DIP2C: variants seen among roughly 807,000 people sequenced by gnomAD.
The protein encoded by DIP2C is disco-interacting protein 2 homolog C.
A neutral mutation model predicts 192.4 loss-of-function variants in DIP2C; 33 were observed. The ratio of observed to expected loss-of-function variants is 0.17; its 90% CI spans 0.13 to 0.23. The LOEUF (loss-of-function observed/expected upper bound fraction) is 0.23. Ranked by LOEUF, DIP2C falls within the 10% of genes least tolerant of loss-of-function variation. The pLI, the probability that DIP2C is intolerant of heterozygous loss-of-function variation, is 1.00. For missense variants in DIP2C, 1,537 were observed against 2,110.1 expected, an observed-to-expected ratio of 0.73 and a Z score of 5.32; for synonymous variants, 979 against 864.1, an observed-to-expected ratio of 1.13 and a Z score of -2.33.
At position 409,036 on chromosome 10, in the gene DIP2C, G is replaced by T; in HGVS notation, c.1058-19C>A. 6.2e-7 allele frequency: 1 copy of T among 1,612,680 alleles called. No homozygotes were observed. The highest frequency in any genetic ancestry group is 8.5e-7 in the Non-Finnish European group (1 of 1,178,784). On this transcript the variant is annotated intron_variant, in intron 8 of 36. Coordinates refer to ENST00000280886, the MANE Select transcript of DIP2C (RefSeq NM_014974.3). ...AGCTTGCCTATGAATACAAATCACA[G>T]ACAAATGTGCGTATTAAACCATACG...
chr10:288,185 A>G (rs1409850926), intron 33 of DIP2C, among the ~76,000 whole-genome samples, 179 bp downstream of exon 33: 1 of 152,172 alleles, frequency 6.6e-6, no homozygotes, highest in Non-Finnish European at 1.5e-5. Flanking sequence ...TTACCTGAGG[A>G]AAAAAGTCTA....
intron 3 of DIP2C, among the ~76,000 whole-genome samples, chr10:454,122 G>A (rs1969084537): frequency 6.6e-6 from 1 of 152,214 alleles, no homozygotes; most frequent in African/African-American, 2.4e-5. Context: ...AAAAGAGGCA[G>A]ATCTTTCTCG....
At chr10:579,369 A>G (rs1432335917) in intron 1 of DIP2C, among the ~76,000 whole-genome samples, 3 of 151,970 alleles carry the variant, frequency 2.0e-5, no homozygotes, top group African/African-American at 4.8e-5. Context: ...GTGTACAAAC[A>G]AGTTCACTAT....
chr10:675,713 G>A (rs772337136), intron 1 of DIP2C, among the ~76,000 whole-genome samples: 8 of 152,044 alleles, frequency 5.3e-5, no homozygotes, highest in South Asian at 2.1e-4. Flanking sequence ...CTACCAAGAC[G>A]GAACCAAGAA....
rs112317025 is a variant in DIP2C, at chr10:399,087, G to A, written c.1260+22C>T. ...AAGCCATCTCACTCAGCGAGAAACC[G>A]AGCAAAGGGCGCATTCCTTACCTTC... On this transcript the variant is annotated intron_variant, in intron 10 of 36. Transcript: ENST00000280886. The A allele has an allele frequency of 1.9e-3, 2,952 of 1,594,002 alleles. 38 individuals carry two copies. The African/African-American group carries it at 0.029, about 16-fold the overall frequency.
intron 29 of DIP2C, chr10:340,678 T>A: frequency 2.3e-6 from 1 of 437,334 alleles, no homozygotes; most frequent in East Asian, 7.2e-5. Context: ...CATTCATTCA[T>A]CCCATAAATA....
rs777137596 is a variant in DIP2C, at chr10:369,731, GGGCACAGTGCTGGCACCCCA to G, written c.1992-118_1992-99del. Reference sequence around the variant, plus strand: ...CACATGCGGCAGGCTGGGCACCTCTGGGCACAGTGCTGGCACCCCAGGCACAGTGCTGGCTGCCCATGTGG... The same window carrying G: ...CACATGCGGCAGGCTGGGCACCTCTGGGCACAGTGCTGGCTGCCCATGTGG... On this transcript the variant is annotated intron_variant, in intron 17 of 36. Coordinates refer to ENST00000280886, the MANE Select transcript of DIP2C (RefSeq NM_014974.3). 131 of 1,592,374 alleles carry G rather than the reference GGGCACAGTGCTGGCACCCCA, an allele frequency of 8.2e-5. 1 individual carries two copies. The highest frequency in any genetic ancestry group is 1.7e-4 in the South Asian group (15 of 90,000).
At chr10:431,507 G>A (rs146726878) in intron 4 of DIP2C, among the ~76,000 whole-genome samples, 32 of 152,152 alleles carry the variant, frequency 2.1e-4, no homozygotes, top group East Asian at 1.9e-3. Context: ...GGCTGGTCTC[G>A]AACTCCTGAC....
In DIP2C at chr10:375,267, C is replaced by CCT. The variant is rs367835226; in HGVS notation, c.1992-5636_1992-5635dup. On this transcript the variant is annotated intron_variant, in intron 17 of 36. Coordinates refer to ENST00000280886, the MANE Select transcript of DIP2C (RefSeq NM_014974.3). ...TTGTTTAGAATAGAGCTGGGCACCT[C>CCT]CTCTCTCTCTCTCTTGCTCGCTCAA... 1.1e-4 allele frequency among the ~76,000 whole-genome samples: 16 copies of CCT among 151,434 alleles called. No homozygotes were observed. The East Asian group carries it at 1.2e-3, about 11-fold the overall frequency.
At chr10:548,202 T>TTCC (rs1329096929) in intron 1 of DIP2C, among the ~76,000 whole-genome samples, 1 of 58,260 alleles carries the variant, frequency 1.7e-5, no homozygotes, top group Non-Finnish European at 3.6e-5. Flanking sequence ...CACACGAGTC[T>TTCC]GCCCCACCCC....
intron 3 of DIP2C, among the ~76,000 whole-genome samples, chr10:470,818 A>G (rs1970570061): frequency 6.6e-6 from 1 of 152,156 alleles, no homozygotes; most frequent in Non-Finnish European, 1.5e-5. Context: ...GCCTCCCTGA[A>G]CTTCAGTTTC....
intron 30 of DIP2C, among the ~76,000 whole-genome samples, chr10:328,831 G>C (rs1030976008): frequency 6.6e-6 from 1 of 152,168 alleles, no homozygotes; most frequent in Non-Finnish European, 1.5e-5. Context: ...CTGGTCAGAT[G>C]ATTATTCCCT....
intron 28 of DIP2C, among the ~76,000 whole-genome samples, chr10:344,570 T>A (rs916549338): frequency 6.6e-6 from 1 of 152,248 alleles, no homozygotes; most frequent in Non-Finnish European, 1.5e-5. Flanking sequence ...AGTGTTCTAC[T>A]GTCAGCTGAG....
chr10:454,337 G>A (rs1969103892), intron 3 of DIP2C, among the ~76,000 whole-genome samples: 1 of 152,148 alleles, frequency 6.6e-6, no homozygotes, highest in Non-Finnish European at 1.5e-5. Context: ...ACATTTAACA[G>A]CGTTTCTTAA....
rs1554745957 is a variant in DIP2C at position 583,960 on chromosome 10, GAA to G, written c.86-97432_86-97431del. On this transcript the variant is annotated intron_variant, in intron 1 of 36. Coordinates refer to ENST00000280886, the MANE Select transcript of DIP2C (RefSeq NM_014974.3). ...AGCAGCTTTGAGCAGCCACAAATGT[GAA>G]AGAGAGAGGCGCGGGGGCCAGGGTG... 2.0e-5 allele frequency among the ~76,000 whole-genome samples: 3 copies of G among 152,080 alleles called. 1 individual carries two copies. The highest frequency in any genetic ancestry group is 4.1e-4 in the South Asian group (2 of 4,828).
At chr10:530,174 G>A (rs979305003) in intron 1 of DIP2C, among the ~76,000 whole-genome samples, 1 of 152,214 alleles carries the variant, frequency 6.6e-6, no homozygotes, top group African/African-American at 2.4e-5. Context: ...TTTGCTTCCC[G>A]TGAGGAGATG....
At chr10:567,647 G>A (rs1394613867) in intron 1 of DIP2C, among the ~76,000 whole-genome samples, 1 of 152,154 alleles carries the variant, frequency 6.6e-6, no homozygotes, top group Non-Finnish European at 1.5e-5. Flanking sequence ...GAAAAGTTTG[G>A]TTTTGTTTTT....
chr10:370,793 GTTTAAC>G (rs927698217), intron 17 of DIP2C, among the ~76,000 whole-genome samples: 69 of 152,258 alleles, frequency 4.5e-4, no homozygotes, highest in African/African-American at 1.5e-3. Flanking sequence ...TAAGTTAGCT[GTTTAAC>G]TTTAAAATAT....
chr10:441,295 T>G (rs1967705803), intron 3 of DIP2C: 1 of 316,892 alleles, frequency 3.2e-6, no homozygotes, highest in Non-Finnish European at 5.9e-6. Context: ...GGAGATCTCT[T>G]TGTAGGTCAC....
Sources: allele counts gnomAD v4.1 joint callset (sites outside exome capture counted in the v4.1 genomes callset), GRCh38; gene constraint gnomAD v4.1.1; transcripts MANE v1.5; gene names NCBI Gene and HGNC (gene_info 2026-07-23, HGNC 2026-07-21).